The following MICU2 variants were observed in gnomAD, a reference collection of about 807,000 sequenced individuals.
The protein encoded by MICU2 is mitochondrial calcium uptake 2.
A neutral mutation model predicts 60.4 loss-of-function variants in MICU2; 64 were observed. The ratio of observed to expected loss-of-function variants is 1.06; its 90% CI spans 0.87 to 1.31. The LOEUF (loss-of-function observed/expected upper bound fraction) is 1.31, where lower values mean the gene tolerates loss of function less well. Among genes scored for constraint, MICU2 ranks in the 50% most tolerant of loss-of-function variants. The pLI, the probability that MICU2 is intolerant of heterozygous loss-of-function variation, is 0.00. For synonymous variants in MICU2, 201 were observed against 175.0 expected (o/e 1.15, Z -1.17); for missense variants, 569 against 531.0 (o/e 1.07, Z -0.70).
chr13:21,500,227 A>G (rs966111948), intron 9 of MICU2, among the ~76,000 whole-genome samples: 3 of 152,146 alleles, frequency 2.0e-5, no homozygotes, highest in Non-Finnish European at 4.4e-5. Context: ...TTACGATAAT[A>G]AAATTCTTTG....
intron 4 of MICU2, among the ~76,000 whole-genome samples, chr13:21,532,954 T>C (rs1045038104): frequency 1.3e-5 from 2 of 151,800 alleles, no homozygotes; most frequent in African/African-American, 2.4e-5. Context: ...AGGAATAAGG[T>C]AGAGAGAAAC....
At chr13:21,579,833 A>G (rs1888308776) in intron 1 of MICU2, among the ~76,000 whole-genome samples, 1 of 152,212 alleles carries the variant, frequency 6.6e-6, no homozygotes. Context: ...AAAAAAATCT[A>G]TGCTCTCAGT....
chr13:21,509,547 G>C (rs1203116560), intron 8 of MICU2, among the ~76,000 whole-genome samples: 1 of 145,010 alleles, frequency 6.9e-6, no homozygotes, highest in Non-Finnish European at 1.6e-5. Context: ...TCTTAGAAAA[G>C]CCAGCAGCCA....
At chr13:21,572,558 G>A (rs540002826) in intron 1 of MICU2, among the ~76,000 whole-genome samples, 1 of 152,230 alleles carries the variant, frequency 6.6e-6, no homozygotes, top group African/African-American at 2.4e-5. Flanking sequence ...TTAGTTTTAG[G>A]AGCTAGACTT....
intron 2 of MICU2, among the ~76,000 whole-genome samples, chr13:21,548,526 TTCTC>T (rs1887466936): frequency 6.6e-6 from 1 of 152,208 alleles, no homozygotes; most frequent in African/African-American, 2.4e-5. Context: ...TCTTCTCACA[TTCTC>T]TAATTTAATC....
At chr13:21,513,739 CAAAAAAAAAAAAA>C (rs376128312) in intron 7 of MICU2, among the ~76,000 whole-genome samples, 1 of 59,112 alleles carries the variant, frequency 1.7e-5, no homozygotes, top group African/African-American at 8.2e-5. Flanking sequence ...GACTCTGTCT[CAAAAAAAAAAAAA>C]AAAAAAAAAA....
chr13:21,538,731 G>T (rs1488978352), intron 4 of MICU2, among the ~76,000 whole-genome samples: 1 of 152,078 alleles, frequency 6.6e-6, no homozygotes, highest in Non-Finnish European at 1.5e-5. Flanking sequence ...CAAATATGAT[G>T]CCATTTTATA....
intron 8 of MICU2, among the ~76,000 whole-genome samples, chr13:21,503,709 G>A (rs188819812): frequency 3.9e-5 from 6 of 152,224 alleles, no homozygotes; most frequent in Non-Finnish European, 8.8e-5. Context: ...CCCAGGAAAG[G>A]GACACGTTGA....
At chr13:21,504,979 C>T (rs778984623) in intron 8 of MICU2, among the ~76,000 whole-genome samples, 8 of 152,140 alleles carry the variant, frequency 5.3e-5, no homozygotes, top group South Asian at 2.1e-4. Flanking sequence ...CTCAGAAATC[C>T]TCAACTAATA....
At chr13:21,517,436 AT>A (rs1221827823) in intron 6 of MICU2, among the ~76,000 whole-genome samples, 1 of 152,136 alleles carries the variant, frequency 6.6e-6, no homozygotes, top group Non-Finnish European at 1.5e-5. Context: ...TGCTTTTTTG[AT>A]GTGAAAAGAA....
At chr13:21,516,564 T>G (rs1566144323) in intron 6 of MICU2, among the ~76,000 whole-genome samples, 1 of 152,224 alleles carries the variant, frequency 6.6e-6, no homozygotes, top group Non-Finnish European at 1.5e-5. Context: ...GGTTTTAATT[T>G]CTCTTGGATA....
intron 2 of MICU2, among the ~76,000 whole-genome samples, chr13:21,553,809 T>C (rs1469854616): frequency 3.3e-5 from 5 of 151,902 alleles, no homozygotes; most frequent in Admixed American, 1.3e-4. Flanking sequence ...GAGACACACA[T>C]AGGCTCAAAA....
At chr13:21,543,806 G>GAA (rs71093329) in intron 2 of MICU2, among the ~76,000 whole-genome samples, 3 of 131,978 alleles carry the variant, frequency 2.3e-5, no homozygotes, top group South Asian at 2.5e-4. Context: ...CATGCAAGTA[G>GAA]AAAAAAAATC....
At chr13:21,578,554 G>A (rs1016191303) in intron 1 of MICU2, among the ~76,000 whole-genome samples, 11 of 151,852 alleles carry the variant, frequency 7.2e-5, no homozygotes, top group Admixed American at 1.3e-4. Flanking sequence ...CCATGATTGC[G>A]CCACTGGACT....
intron 4 of MICU2, among the ~76,000 whole-genome samples, chr13:21,534,582 G>A (rs922871062): frequency 6.6e-6 from 1 of 152,032 alleles, no homozygotes; most frequent in African/African-American, 2.4e-5. Flanking sequence ...AAAAAAACAC[G>A]TAGTCTTCAT....
chr13:21,568,892 T>A (rs572268276), intron 1 of MICU2, among the ~76,000 whole-genome samples: 1 of 152,240 alleles, frequency 6.6e-6, no homozygotes, highest in Non-Finnish European at 1.5e-5. Context: ...TCCTCTATCT[T>A]ATGGTTACCA....
chr13:21,584,337 C>A (rs1016131176), intron 1 of MICU2, among the ~76,000 whole-genome samples: 1 of 148,842 alleles, frequency 6.7e-6, no homozygotes, highest in African/African-American at 2.5e-5. Flanking sequence ...TGCAGTGAGC[C>A]GAGATCACAC....
chr13:21,515,768 G>T, intron 6 of MICU2: 1 of 174,398 alleles, frequency 5.7e-6, no homozygotes, highest in Non-Finnish European at 1.3e-5. Flanking sequence ...TTAGGCAAGT[G>T]GTTTATTTCT....
At chr13:21,593,025 G>A (rs1163090892) in intron 1 of MICU2, among the ~76,000 whole-genome samples, 1 of 152,138 alleles carries the variant, frequency 6.6e-6, no homozygotes, top group Non-Finnish European at 1.5e-5. Flanking sequence ...AGGGCAATCA[G>A]GCAAGAGAAA....
Sources: gnomAD v4.1 joint callset for allele counts (sites outside exome capture counted in the v4.1 genomes callset) on GRCh38, gnomAD v4.1.1 for gene constraint, MANE v1.5 for transcripts, NCBI Gene and HGNC (gene_info 2026-07-23, HGNC 2026-07-21) for gene names.